The following ANAPC10 variants were observed in gnomAD, a reference collection of about 807,000 sequenced individuals.
ANAPC10 encodes the protein anaphase promoting complex subunit 10.
ANAPC10 carries 12 observed loss-of-function variants against 22.0 expected under a neutral mutation model. The ratio of observed to expected loss-of-function variants is 0.55; its 90% CI spans 0.35 to 0.88. The LOEUF (loss-of-function observed/expected upper bound fraction) is 0.88, where lower values mean the gene tolerates loss of function less well. Among genes scored for constraint, ANAPC10 ranks in the 40% least tolerant of loss-of-function variants. ANAPC10 has a pLI of 0.01. For synonymous variants in ANAPC10, 65 were observed against 69.5 expected, an observed-to-expected ratio of 0.94 and a Z score of 0.32; for missense variants, 188 against 220.9, an observed-to-expected ratio of 0.85 and a Z score of 0.94.
Position 145,021,039 on chromosome 4 carries a change from A to G in ANAPC10, c.328-25436T>C, listed in dbSNP as rs569972939. Among the ~76,000 whole-genome samples, 6 of 152,242 alleles carry G rather than the reference A, an allele frequency of 3.9e-5. No homozygotes were observed. The East Asian group carries it at 1.2e-3, about 29-fold the overall frequency. On this transcript the variant is annotated intron_variant, in intron 4 of 4. Transcript: ENST00000507656. Reference sequence around the variant, plus strand: ...CCATACCACCAAAAGCAACCTACAAATGGAAACACATCCCATGTTCATGGA... The same window carrying G: ...CCATACCACCAAAAGCAACCTACAAGTGGAAACACATCCCATGTTCATGGA...
intron 4 of ANAPC10, among the ~76,000 whole-genome samples, chr4:145,039,365 T>C (rs976172886): frequency 2.6e-5 from 4 of 152,240 alleles, no homozygotes; most frequent in African/African-American, 9.6e-5. Flanking sequence ...AAATGTGGAA[T>C]TCTGAAAGAG....
chr4:145,084,464 A>G (rs1004923719), intron 2 of ANAPC10, among the ~76,000 whole-genome samples: 2 of 152,196 alleles, frequency 1.3e-5, no homozygotes, highest in African/African-American at 4.8e-5. Flanking sequence ...ATATCAAAGG[A>G]GCCAGATCAC....
At chr4:145,003,116 T>C (rs1406545458) in intron 4 of ANAPC10, among the ~76,000 whole-genome samples, 10 of 152,180 alleles carry the variant, frequency 6.6e-5, no homozygotes, top group Admixed American at 1.3e-4. Context: ...TCATGCAGTA[T>C]ATGGTTTTCT....
chr4:145,063,335 T>C (rs942154633), intron 4 of ANAPC10, among the ~76,000 whole-genome samples: 3 of 152,116 alleles, frequency 2.0e-5, no homozygotes, highest in African/African-American at 7.2e-5. Flanking sequence ...ACAACAAAAA[T>C]ACCTTGGACA....
chr4:145,046,351 A>C (rs547111717), intron 4 of ANAPC10, among the ~76,000 whole-genome samples: 13 of 152,120 alleles, frequency 8.5e-5, no homozygotes, highest in Non-Finnish European at 1.5e-4. Context: ...AGAAAGTATA[A>C]GGGCTAAGAA....
intron 4 of ANAPC10, among the ~76,000 whole-genome samples, chr4:145,024,469 A>G (rs1366217580): frequency 6.6e-6 from 1 of 152,232 alleles, no homozygotes; most frequent in African/African-American, 2.4e-5. Flanking sequence ...TCCTTCATCT[A>G]TAAGCTGCAG....
intron 4 of ANAPC10, among the ~76,000 whole-genome samples, chr4:145,041,166 T>C (rs1560863431): frequency 6.6e-6 from 1 of 152,208 alleles, no homozygotes; most frequent in Non-Finnish European, 1.5e-5. Context: ...ACCCACCTCA[T>C]AATTTACTTT....
chr4:145,037,175 C>T (rs1228034133), intron 4 of ANAPC10, among the ~76,000 whole-genome samples: 1 of 152,064 alleles, frequency 6.6e-6, no homozygotes, highest in Non-Finnish European at 1.5e-5. Flanking sequence ...CCAAGTCCTT[C>T]ATACTCCAGG....
intron 4 of ANAPC10, among the ~76,000 whole-genome samples, chr4:145,055,334 G>T (rs1741888079): frequency 6.6e-6 from 1 of 152,206 alleles, no homozygotes; most frequent in South Asian, 2.1e-4. Context: ...GAGGCGGCCA[G>T]ATCACCTGAG....
chr4:145,091,822 A>T (rs1747720982), intron 2 of ANAPC10, among the ~76,000 whole-genome samples: 1 of 152,168 alleles, frequency 6.6e-6, no homozygotes, highest in African/African-American at 2.4e-5. Flanking sequence ...CAACACTGTA[A>T]ACACGTGGAG....
chr4:145,025,160 T>C (rs1736480632), intron 4 of ANAPC10, among the ~76,000 whole-genome samples: 1 of 152,192 alleles, frequency 6.6e-6, no homozygotes, highest in Non-Finnish European at 1.5e-5. Context: ...CTTAAGGGAA[T>C]GTTGTGGCTG....
At chr4:145,002,457 G>A (rs1732717693) in intron 4 of ANAPC10, among the ~76,000 whole-genome samples, 1 of 145,018 alleles carries the variant, frequency 6.9e-6, no homozygotes, top group South Asian at 2.2e-4. Flanking sequence ...ATTCATTTTA[G>A]ACTAGAAAAT....
chr4:145,027,603 T>C (rs1160875884), intron 4 of ANAPC10, among the ~76,000 whole-genome samples: 1 of 152,126 alleles, frequency 6.6e-6, no homozygotes, highest in Non-Finnish European at 1.5e-5. Context: ...ATAAGGAGAT[T>C]ATAAAAGCTA....
At chr4:145,094,943 T>C (rs1025685754) in intron 2 of ANAPC10, among the ~76,000 whole-genome samples, 1 of 152,138 alleles carries the variant, frequency 6.6e-6, no homozygotes, top group Admixed American at 6.5e-5. Context: ...GGAAAGTATT[T>C]TGGCGTATGT....
intron 2 of ANAPC10, 125 bp from the exon 3 acceptor site, chr4:145,081,875 T>G (rs1189333592): frequency 1.4e-6 from 1 of 732,556 alleles, no homozygotes; most frequent in Admixed American, 2.8e-5. Flanking sequence ...AATATTAATT[T>G]TTTTTTATTT....
At chr4:145,025,606 A>G (rs1357887583) in intron 4 of ANAPC10, among the ~76,000 whole-genome samples, 1 of 152,182 alleles carries the variant, frequency 6.6e-6, no homozygotes, top group African/African-American at 2.4e-5. Context: ...CATAACAATG[A>G]CAATAGTAGC....
At chr4:145,028,504 C>CA (rs1737075568) in intron 4 of ANAPC10, among the ~76,000 whole-genome samples, 1 of 152,050 alleles carries the variant, frequency 6.6e-6, no homozygotes, top group Non-Finnish European at 1.5e-5. Flanking sequence ...CTCTTTCCCT[C>CA]AAAAAGAACC....
intron 2 of ANAPC10, among the ~76,000 whole-genome samples, chr4:145,095,279 C>T (rs1265163622): frequency 6.6e-6 from 1 of 152,136 alleles, no homozygotes; most frequent in African/African-American, 2.4e-5. Flanking sequence ...CAGAAACAAA[C>T]AATTGGTAAG....
At chr4:144,997,019 G>A (rs1049596183) in intron 4 of ANAPC10, among the ~76,000 whole-genome samples, 21 of 152,118 alleles carry the variant, frequency 1.4e-4, no homozygotes, top group African/African-American at 2.9e-4. Flanking sequence ...GAAATGAAGT[G>A]AGAAGAGAAG....
Sources: gnomAD v4.1 joint callset for allele counts (sites outside exome capture counted in the v4.1 genomes callset) on GRCh38, gnomAD v4.1.1 for gene constraint, MANE v1.5 for transcripts, NCBI Gene and HGNC (gene_info 2026-07-23, HGNC 2026-07-21) for gene names.